DLG2: variants seen among roughly 807,000 people sequenced by gnomAD.
DLG2 encodes disks large homolog 2.
DLG2 carries 45 observed loss-of-function variants against 132.5 expected under a neutral mutation model. The observed-to-expected ratio is 0.34, with a 90% CI of 0.27 to 0.44. DLG2 has a LOEUF of 0.44. DLG2 is among the 20% of genes least tolerant of loss of function. The pLI, the probability that DLG2 is intolerant of heterozygous loss-of-function variation, is 1.00. For missense variants in DLG2, 1,045 were observed against 1,196.9 expected (o/e 0.87, Z 1.87); for synonymous variants, 424 against 419.6 (o/e 1.01, Z -0.13).
At chr11:84,829,415 G>C (rs1054684842) in intron 6 of DLG2, among the ~76,000 whole-genome samples, 1 of 151,684 alleles carries the variant, frequency 6.6e-6, no homozygotes, top group Non-Finnish European at 1.5e-5. Flanking sequence ...ATATTACATA[G>C]GTGAGATGTA....
chr11:83,858,864 T>C (rs957783486), intron 16 of DLG2, among the ~76,000 whole-genome samples: 6 of 152,194 alleles, frequency 3.9e-5, no homozygotes, highest in African/African-American at 7.2e-5. Flanking sequence ...CATTGACATA[T>C]TGGAATACAC....
intron 6 of DLG2, among the ~76,000 whole-genome samples, chr11:84,725,552 G>A (rs2062343145): frequency 6.6e-6 from 1 of 152,108 alleles, no homozygotes; most frequent in African/African-American, 2.4e-5. Flanking sequence ...CCATCAATGA[G>A]TTTACAAACC....
intron 9 of DLG2, among the ~76,000 whole-genome samples, chr11:84,118,169 A>G (rs926629948): frequency 3.9e-5 from 6 of 152,132 alleles, no homozygotes; most frequent in Admixed American, 2.6e-4. Context: ...GCTTTATCTT[A>G]GTAATTCCTC....
chr11:84,851,083 A>G (rs1317102523), intron 6 of DLG2, among the ~76,000 whole-genome samples: 1 of 152,136 alleles, frequency 6.6e-6, no homozygotes, highest in African/African-American at 2.4e-5. Context: ...AAAACAGAAC[A>G]TATCATGTAA....
chr11:85,026,477 T>C (rs1443748367), intron 6 of DLG2, among the ~76,000 whole-genome samples: 1 of 152,046 alleles, frequency 6.6e-6, no homozygotes, highest in Admixed American at 6.5e-5. Context: ...CAGAATTTTG[T>C]TGGGAATATA....
At chr11:85,098,416 T>C (rs1246292194) in intron 6 of DLG2, among the ~76,000 whole-genome samples, 1 of 152,294 alleles carries the variant, frequency 6.6e-6, no homozygotes, top group East Asian at 1.9e-4. Flanking sequence ...GATCTTCCTA[T>C]AGACCTCAAG....
chr11:84,434,991 A>G (rs2098996407), intron 7 of DLG2, among the ~76,000 whole-genome samples: 1 of 151,710 alleles, frequency 6.6e-6, no homozygotes, highest in Non-Finnish European at 1.5e-5. Context: ...TGTCCATTGT[A>G]AAGATATATC....
intron 7 of DLG2, among the ~76,000 whole-genome samples, chr11:84,274,027 C>T (rs1567148031): frequency 6.6e-6 from 1 of 152,054 alleles, no homozygotes; most frequent in South Asian, 2.1e-4. Context: ...CAAGGAGAAT[C>T]GTGTCTTTAA....
intron 7 of DLG2, among the ~76,000 whole-genome samples, chr11:84,527,021 A>G (rs1159021866): frequency 1.3e-5 from 2 of 151,744 alleles, no homozygotes; most frequent in African/African-American, 2.4e-5. Context: ...CTCATGATCC[A>G]CCCGCCTCGG....
chr11:84,172,369 A>G lies in DLG2; in HGVS notation c.574-8858T>C, dbSNP rs150734662. Among the ~76,000 whole-genome samples, 235 of 152,218 alleles carry G rather than the reference A, an allele frequency of 1.5e-3. 1 individual carries two copies. The highest frequency in any genetic ancestry group is 2.9e-3 in the Non-Finnish European group (196 of 68,016). Reference sequence around the variant, plus strand: ...TGAGTTTGGTAAGATCACTATTCCTATTATTCACCTGAATTTGTTCTACCA... The same window carrying G: ...TGAGTTTGGTAAGATCACTATTCCTGTTATTCACCTGAATTTGTTCTACCA... On this transcript the variant is annotated intron_variant, in intron 8 of 27. Coordinates refer to ENST00000376104, the MANE Select transcript of DLG2 (RefSeq NM_001142699.3).
chr11:83,547,115 G>A (rs1231822784), intron 19 of DLG2, among the ~76,000 whole-genome samples: 1 of 152,104 alleles, frequency 6.6e-6, no homozygotes, highest in Non-Finnish European at 1.5e-5. Context: ...AAGTATTGGT[G>A]TTTACTATGT....
intron 8 of DLG2, among the ~76,000 whole-genome samples, chr11:84,198,166 AC>A (rs141663343): frequency 0.054 from 8,206 of 152,014 alleles, 659 homozygotes; most frequent in African/African-American, 0.18. Flanking sequence ...AAATACCATT[AC>A]CCCCATTTTA....
Position 85,142,549 on chromosome 11 carries a change from C to T in DLG2, c.282+12007G>A, listed in dbSNP as rs115574391. ...CTTCTTTCATTCCAATTTGGATGCC[C>T]TTTATTATTTCTCTCATTTAATTAC... On this transcript the variant is annotated intron_variant, in intron 5 of 27. Transcript: ENST00000376104. 6.3e-3 allele frequency among the ~76,000 whole-genome samples: 961 copies of T among 151,632 alleles called. 14 individuals carry two copies. Among genetic ancestry groups the T allele is most frequent in the African/African-American group, 0.023 (935 of 41,460 alleles).
At chr11:83,762,320 C>T (rs929386364) in intron 18 of DLG2, among the ~76,000 whole-genome samples, 9 of 152,206 alleles carry the variant, frequency 5.9e-5, no homozygotes, top group Non-Finnish European at 1.3e-4. Context: ...CTGGTCCTTT[C>T]TGATGCTATG....
chr11:85,621,789 G>T (rs760808812), intron 2 of DLG2, among the ~76,000 whole-genome samples: 1 of 152,224 alleles, frequency 6.6e-6, no homozygotes, highest in Non-Finnish European at 1.5e-5. Flanking sequence ...TTCCAGTGAA[G>T]ATGTTGTGAA....
At chr11:83,811,952 T>A (rs972991192) in intron 17 of DLG2, among the ~76,000 whole-genome samples, 3 of 152,076 alleles carry the variant, frequency 2.0e-5, no homozygotes, top group Admixed American at 2.0e-4. Flanking sequence ...GAGAAAAATG[T>A]GGGAGAAGTG....
At chr11:84,984,694 C>G (rs1024430581) in intron 6 of DLG2, among the ~76,000 whole-genome samples, 1 of 151,822 alleles carries the variant, frequency 6.6e-6, no homozygotes, top group African/African-American at 2.4e-5. Flanking sequence ...TTAAAAGATA[C>G]AGAATTGCAG....
intron 6 of DLG2, among the ~76,000 whole-genome samples, chr11:84,758,207 T>G (rs929390309): frequency 6.6e-6 from 1 of 152,222 alleles, no homozygotes; most frequent in Non-Finnish European, 1.5e-5. Context: ...TGTACTGTTT[T>G]GGGCAAAATT....
rs544023214 is a variant in DLG2, at chr11:83,988,819, A to G, written c.920-8177T>C. 1.6e-3 allele frequency among the ~76,000 whole-genome samples: 248 copies of G among 152,174 alleles called. 2 individuals carry two copies. The highest frequency in any genetic ancestry group is 5.6e-3 in the African/African-American group (233 of 41,524). On this transcript the variant is annotated intron_variant, in intron 11 of 27. Coordinates refer to ENST00000376104, the MANE Select transcript of DLG2 (RefSeq NM_001142699.3). ...ATTTAATGCTGTCCCCTGACTATAT[A>G]TATTTTTTTCCTTATCCTGCTCTAG...
Sources: allele counts gnomAD v4.1 joint callset (sites outside exome capture counted in the v4.1 genomes callset), GRCh38; gene constraint gnomAD v4.1.1; transcripts MANE v1.5; gene names NCBI Gene and HGNC (gene_info 2026-07-23, HGNC 2026-07-21).